Variants in GRM8 observed in about 807,000 individuals in gnomAD.
The protein encoded by GRM8 is metabotropic glutamate receptor 8.
Under a neutral mutation model 87.2 loss-of-function variants are expected in GRM8, and 47 were observed. The ratio of observed to expected loss-of-function variants is 0.54; its 90% CI spans 0.43 to 0.69. GRM8 has a LOEUF of 0.69. GRM8 is among the 30% of genes least tolerant of loss of function. The pLI, the probability that GRM8 is intolerant of heterozygous loss-of-function variation, is 0.00. For synonymous variants in GRM8, 396 were observed against 404.5 expected (o/e 0.98, Z 0.25); for missense variants, 1,019 against 1,139.2 (o/e 0.89, Z 1.52).
intron 8 of GRM8, among the ~76,000 whole-genome samples, chr7:126,567,437 T>C (rs947020776): frequency 6.6e-6 from 1 of 151,864 alleles, no homozygotes; most frequent in African/African-American, 2.4e-5. Flanking sequence ...AGGGATAGCA[T>C]TAGGAGATAT....
At chr7:126,963,278 T>C (rs1221731813) in intron 3 of GRM8, among the ~76,000 whole-genome samples, 1 of 152,212 alleles carries the variant, frequency 6.6e-6, no homozygotes, top group Non-Finnish European at 1.5e-5. Context: ...CAATCATCAG[T>C]TTATTTCTGT....
At position 126,479,769 on chromosome 7, in the gene GRM8, CAGAT is replaced by C. The variant is rs541481055; in HGVS notation, c.2431-33401_2431-33398del. Among the ~76,000 whole-genome samples, 61 of 110,084 alleles carry C rather than the reference CAGAT, an allele frequency of 5.5e-4. 1 individual carries two copies. In the East Asian group the frequency reaches 0.01, roughly 19 times the overall value. The allele number at this position is 110,084 out of a possible 152,430, so 72.2% of individuals were successfully genotyped here. A position where few individuals can be genotyped will look rare whatever the true frequency, so the allele number is the denominator to read the frequency against. On this transcript the variant is annotated intron_variant, in intron 9 of 10. Coordinates refer to ENST00000339582, the MANE Select transcript of GRM8 (RefSeq NM_000845.3). ...ACAGACAGACAGACAGACAGACAGA[CAGAT>C]AGATAGATAGAACCACTGTGTTATA... is the stretch of plus-strand genomic sequence containing the variant.
chr7:127,062,141 C>CAA (rs5887324), intron 3 of GRM8, among the ~76,000 whole-genome samples: 3 of 134,944 alleles, frequency 2.2e-5, no homozygotes, highest in Admixed American at 7.8e-5. Flanking sequence ...AAGACTCCAT[C>CAA]AAAAAAAAAA....
intron 2 of GRM8, among the ~76,000 whole-genome samples, chr7:127,161,328 G>A (rs1396602160): frequency 1.3e-5 from 2 of 152,146 alleles, no homozygotes; most frequent in African/African-American, 4.8e-5. Flanking sequence ...AGAGGAAGCT[G>A]ATCTGTGAGA....
At position 126,685,665 on chromosome 7, in the gene GRM8, C is replaced by A. The variant is rs1157850181; in HGVS notation, c.1358-76167G>T. Among the ~76,000 whole-genome samples, 1 of 152,118 alleles carries A rather than the reference C, an allele frequency of 6.6e-6. No individual in the cohort carries two copies. The highest frequency in any genetic ancestry group is 2.4e-5 in the African/African-American group (1 of 41,444). On this transcript the variant is annotated intron_variant, in intron 7 of 10. Coordinates refer to ENST00000339582, the MANE Select transcript of GRM8 (RefSeq NM_000845.3). The surrounding 1 kb of genome is among the most constrained non-coding windows in gnomAD (Gnocchi z 4.2). The stretch of plus-strand genomic sequence containing the variant: ...GTGACCCACCAACCCCTTGCTGCCT[C>A]GGCTCCCTCTAAACTTTGGCTGTGG...
chr7:126,617,364 A>G (rs1799616122), intron 7 of GRM8, among the ~76,000 whole-genome samples: 1 of 152,236 alleles, frequency 6.6e-6, no homozygotes, highest in African/African-American at 2.4e-5. Context: ...TTAGGTATTG[A>G]TGGGATGTAT....
intron 7 of GRM8, among the ~76,000 whole-genome samples, chr7:126,725,338 A>G (rs893608055): frequency 3.9e-5 from 6 of 152,170 alleles, no homozygotes; most frequent in African/African-American, 1.4e-4. Context: ...CCAGATTGTG[A>G]TGCTCAAGAC....
chr7:126,958,977 T>C (rs560971396), intron 3 of GRM8, among the ~76,000 whole-genome samples: 1 of 152,314 alleles, frequency 6.6e-6, no homozygotes, highest in South Asian at 2.1e-4. Context: ...CTTAAACTCA[T>C]ATTTCATTTT....
chr7:126,838,909 C>T (rs576047013), intron 6 of GRM8, among the ~76,000 whole-genome samples: 32 of 152,252 alleles, frequency 2.1e-4, no homozygotes, highest in Non-Finnish European at 2.5e-4. Flanking sequence ...TTCAGGTGTA[C>T]GCTTTGCCCA....
At chr7:126,819,038 C>T (rs1449559607) in intron 6 of GRM8, among the ~76,000 whole-genome samples, 3 of 152,142 alleles carry the variant, frequency 2.0e-5, no homozygotes, top group Non-Finnish European at 4.4e-5. Context: ...CAGCTCTCAC[C>T]TGAACTGCAA....
chr7:126,463,659 G>C (rs866823013), intron 9 of GRM8, among the ~76,000 whole-genome samples: 1 of 151,644 alleles, frequency 6.6e-6, no homozygotes, highest in African/African-American at 2.4e-5. Context: ...TTCAGTACCA[G>C]AGGGAGTTTA....
At chr7:126,521,935 T>TACCAAA (rs1331304281) in intron 9 of GRM8, among the ~76,000 whole-genome samples, 1 of 152,194 alleles carries the variant, frequency 6.6e-6, no homozygotes, top group Non-Finnish European at 1.5e-5. Context: ...TCATGCTGTG[T>TACCAAA]ATCTTTACTT....
intron 6 of GRM8, among the ~76,000 whole-genome samples, chr7:126,889,889 C>T (rs1222280234): frequency 6.6e-6 from 1 of 151,974 alleles, no homozygotes; most frequent in East Asian, 1.9e-4. Context: ...ATATTTAATA[C>T]ATTGTATTAG....
intron 7 of GRM8, among the ~76,000 whole-genome samples, chr7:126,726,287 G>A (rs185054769): frequency 3.0e-4 from 46 of 151,810 alleles, no homozygotes; most frequent in Non-Finnish European, 5.2e-4. Flanking sequence ...CTTGTTCTGT[G>A]ATTCTTGGAG....
intron 9 of GRM8, among the ~76,000 whole-genome samples, chr7:126,479,806 T>C (rs1806451749): frequency 6.6e-6 from 1 of 152,054 alleles, no homozygotes; most frequent in Non-Finnish European, 1.5e-5. Flanking sequence ...ATATAGAAAC[T>C]ATACTTAACA....
At chr7:127,149,394 T>C (rs1312772409) in intron 2 of GRM8, among the ~76,000 whole-genome samples, 2 of 151,982 alleles carry the variant, frequency 1.3e-5, no homozygotes, top group African/African-American at 2.4e-5. Flanking sequence ...GAATGGTTAT[T>C]ATCAAAAAGT....
intron 7 of GRM8, among the ~76,000 whole-genome samples, chr7:126,619,766 C>T (rs1799916145): frequency 6.6e-6 from 1 of 152,092 alleles, no homozygotes; most frequent in African/African-American, 2.4e-5. Context: ...TCTTGGCTCA[C>T]TGCAACATCT....
At chr7:126,851,227 G>A (rs200011793) in intron 6 of GRM8, among the ~76,000 whole-genome samples, 1 of 151,980 alleles carries the variant, frequency 6.6e-6, no homozygotes, top group Non-Finnish European at 1.5e-5. Context: ...CTGCACTTAC[G>A]AAATGTACCC....
intron 2 of GRM8, among the ~76,000 whole-genome samples, chr7:127,232,517 T>G (rs937530151): frequency 1.3e-5 from 2 of 152,164 alleles, no homozygotes. Context: ...CCCACAGTGC[T>G]GAGATTACAA....
Sources: allele counts gnomAD v4.1 joint callset (sites outside exome capture counted in the v4.1 genomes callset), GRCh38; gene constraint gnomAD v4.1.1; non-coding constraint Gnocchi (gnomAD v3.1); transcripts MANE v1.5; gene names NCBI Gene and HGNC (gene_info 2026-07-23, HGNC 2026-07-21).